Variants in KRT84 observed in about 807,000 individuals in gnomAD.
The protein encoded by KRT84 is keratin, type II cuticular Hb4.
Under a neutral mutation model 49.0 loss-of-function variants are expected in KRT84, and 38 were observed. The ratio of observed to expected loss-of-function variants is 0.78; its 90% CI spans 0.60 to 1.02. The LOEUF (loss-of-function observed/expected upper bound fraction) is 1.02, where lower values mean the gene tolerates loss of function less well. Among genes scored for constraint, KRT84 ranks in the 50% least tolerant of loss-of-function variants. KRT84 has a pLI of 0.00. For synonymous variants in KRT84, 334 were observed against 312.8 expected (o/e 1.07, Z -0.72); for missense variants, 860 against 788.6 (o/e 1.09, Z -1.08).
At chr12:52,382,151 T>G (rs1613631) in intron 4 of KRT84, among the ~76,000 whole-genome samples, 49,291 of 152,066 alleles carry the variant, frequency 0.32, 10,141 homozygotes, top group African/African-American at 0.58. Context: ...TCAGTCTTCT[T>G]GTCAGTACAC....
At chr12:52,382,264 C>T (rs1039401977) in intron 4 of KRT84, among the ~76,000 whole-genome samples, 173 bp downstream of exon 4, 1 of 152,216 alleles carries the variant, frequency 6.6e-6, no homozygotes, top group African/African-American at 2.4e-5. Context: ...AAAGCCTGCT[C>T]ACCTTCCCTT....
rs775726115 is a variant in KRT84, at chr12:52,381,471, C to T, written c.967G>A (p.Asp323Asn). 1.9e-6 allele frequency: 3 copies of T among 1,614,038 alleles called. No individual in the cohort carries two copies. The African/African-American group carries it at 4.0e-5, about 22-fold the overall frequency. Reference sequence around the variant, plus strand: ...TCAAGGTTCAGGTCACGGCTGTTGTCCATCTTCACAATGACCGACGTCTCT... The same window carrying T: ...TCAAGGTTCAGGTCACGGCTGTTGTTCATCTTCACAATGACCGACGTCTCT... ...ISETSVIVKMDNSRDLNLDGI... is the reference protein window; with the variant it reads ...ISETSVIVKMNNSRDLNLDGI... Residue 323 changes from aspartate to asparagine, a missense_variant, in exon 5 of 9, where the codon GAC becomes AAC. Physicochemically the swap from Asp to Asn is conservative, Grantham distance 23 (BLOSUM62 1). Transcript: ENST00000257951.
Position 52,381,503 on chromosome 12 carries a change from T to C in KRT84, c.935A>G (p.His312Arg), listed in dbSNP as rs767063415. 4 of 1,614,076 alleles carry C rather than the reference T, an allele frequency of 2.5e-6. No homozygotes were observed. In the Admixed American group the frequency reaches 5.0e-5, roughly 20 times the overall value. ...CACAATGACCGACGTCTCTGAGATG[T>C]GCGACTGCAGCAACTGGATTTCCTG... ...YMEEIQLLQSHISETSVIVKM... is the reference protein window; with the variant it reads ...YMEEIQLLQSRISETSVIVKM... Residue 312 changes from histidine to arginine, a missense_variant, in exon 5 of 9, where the codon CAC becomes CGC. Transcript: ENST00000257951.
Position 52,381,014 on chromosome 12 carries a change from G to C in KRT84, c.1203+66C>G, listed in dbSNP as rs1565775103. ...GTCTCCCTCACCTCATTAGACTTGG[G>C]GGTTCCCAAAGCCTGAGGCCCTGGT... On this transcript the variant is annotated intron_variant, in intron 6 of 8. Transcript: ENST00000257951. 3 of 1,583,974 alleles carry C rather than the reference G, an allele frequency of 1.9e-6. No individual in the cohort carries two copies. The East Asian group carries it at 6.7e-5, about 36-fold the overall frequency.
In KRT84 at chr12:52,385,059, A is replaced by T; in HGVS notation, c.527T>A (p.Phe176Tyr). ...AGGTACCTTGTCAATGAAGGAGGCA[A>T]ACTTGTTGTTGAGGGTCTTGATTTG... ...KEQIKTLNNKFASFIDKVRFL... is the reference protein window; with the variant it reads ...KEQIKTLNNKYASFIDKVRFL... Residue 176 changes from phenylalanine to tyrosine, a missense_variant, in exon 1 of 9, where the codon TTT becomes TAT. Physicochemically the swap from Phe to Tyr is conservative, Grantham distance 22 (BLOSUM62 3). Transcript: ENST00000257951. 1 of 1,607,278 alleles carries T rather than the reference A, an allele frequency of 6.2e-7. No homozygotes were observed. Among genetic ancestry groups the T allele is most frequent in the East Asian group, 2.2e-5 (1 of 44,862 alleles).
At chr12:52,385,746 A>T (rs982927575), upstream of KRT84, 33 of 695,664 alleles carry the variant, frequency 4.7e-5, no homozygotes, top group Admixed American at 4.1e-4. Flanking sequence ...GGCATTTATG[A>T]GCTTGGGTAG....
rs1485662295 is a variant in KRT84, at chr12:52,383,598, G to C, written c.747C>G (p.Phe249Leu). Residue 249 changes from phenylalanine (F) to leucine (L), a missense_variant, in exon 2 of 9, where the codon TTC becomes TTG. By Grantham distance (22) the Phe-to-Leu change is conservative. Coordinates refer to ENST00000257951, the MANE Select transcript of KRT84 (RefSeq NM_033045.4). ...RNHLQDVLEG[F>L]KKKYEEEVVC... ...GCTCAGATGTCACTCACTTCTTCTT[G>C]AAGCCCTCTAGGACATCCTGCAGGT... is the stretch of plus-strand genomic sequence containing the variant. The C allele has an allele frequency of 1.2e-6, 2 of 1,612,678 alleles. No homozygotes were observed. Among genetic ancestry groups the C allele is most frequent in the Non-Finnish European group, 1.7e-6 (2 of 1,179,882 alleles).
rs760146710 is a variant in KRT84, at chr12:52,378,163, GA to G, written c.1673del (p.Ile558ThrfsTer87). On this transcript the variant is annotated frameshift_variant, in exon 9 of 9. Coordinates refer to ENST00000257951, the MANE Select transcript of KRT84 (RefSeq NM_033045.4). LOFTEE classifies it high-confidence loss of function. ...STGTRSGSML[I>X]SEACVPSVPC... ...GGACGCTGGGGACACAGGCCTCGCT[GA>G]TGAGCATGGAGCCACTCCTTGTGCC... 13 of 1,576,154 alleles carry G rather than the reference GA, an allele frequency of 8.2e-6. No individual in the cohort carries two copies. The highest frequency in any genetic ancestry group is 1.9e-4 in the Middle Eastern group (1 of 5,260).
At chr12:52,380,287 C>T (rs1373867923) in intron 7 of KRT84, 76 bp downstream of exon 7, 3 of 1,538,568 alleles carry the variant, frequency 1.9e-6, no homozygotes, top group African/African-American at 1.4e-5. Flanking sequence ...CAGTTCTTCA[C>T]TGTCCCCTTC....
In KRT84 at chr12:52,380,447, T is replaced by TCG; in HGVS notation, c.1338_1339dup (p.Glu447AlafsTer6). The TCG allele has an allele frequency of 6.2e-7, 1 of 1,614,200 alleles. No homozygotes were observed. Among genetic ancestry groups the TCG allele is most frequent in the Non-Finnish European group, 8.5e-7 (1 of 1,180,012 alleles). On this transcript the variant is annotated frameshift_variant, in exon 7 of 9. Transcript: ENST00000257951. LOFTEE classifies it high-confidence loss of function. ...CTTGGCATTCATCAGCTCCTGGTACTCGCACAGCTGCCGCGCCATGTCCTG... is the reference window on the plus strand; with the variant it reads ...CTTGGCATTCATCAGCTCCTGGTACTCGCGCACAGCTGCCGCGCCATGTCCTG...
At chr12:52,384,908 G>A (rs1212500872) in intron 1 of KRT84, 132 bp downstream of exon 1, 13 of 944,702 alleles carry the variant, frequency 1.4e-5, no homozygotes. Flanking sequence ...CAATGCCTGA[G>A]GTAGGCACTT....
rs1565776454 is a variant in KRT84, at chr12:52,383,677, C to T, written c.668G>A (p.Arg223Lys). ...ATCACTGACCAGCACCTCCAACTGC[C>T]TCCGCAGGTTGGTGATGTAGCTCTC... is the stretch of plus-strand genomic sequence containing the variant. ...LFESYITNLR[R>K]QLEVLVSDQA... is the part of the protein sequence containing the mutation. The change falls in exon 2 of 9, where the codon AGG becomes AAG. Residue 223 changes from arginine (R) to lysine (K), a missense_variant. Coordinates refer to ENST00000257951, the MANE Select transcript of KRT84 (RefSeq NM_033045.4). The T allele has an allele frequency of 1.9e-6, 3 of 1,614,204 alleles. No homozygotes were observed. The highest frequency in any genetic ancestry group is 2.2e-5 in the East Asian group (1 of 44,890).
In KRT84 at chr12:52,385,055, G is replaced by A; in HGVS notation, c.531C>T (p.Ala177=). Residue 177 remains alanine (A), a synonymous_variant, in exon 1 of 9, where the codon GCC becomes GCT. Coordinates refer to ENST00000257951, the MANE Select transcript of KRT84 (RefSeq NM_033045.4). ...EQIKTLNNKF[A]SFIDKVRFLE... Reference sequence around the variant, plus strand: ...TCATAGGTACCTTGTCAATGAAGGAGGCAAACTTGTTGTTGAGGGTCTTGA... The same window carrying A: ...TCATAGGTACCTTGTCAATGAAGGAAGCAAACTTGTTGTTGAGGGTCTTGA... The A allele has an allele frequency of 1.2e-6, 2 of 1,607,198 alleles. No individual in the cohort carries two copies. The highest frequency in any genetic ancestry group is 1.7e-6 in the Non-Finnish European group (2 of 1,176,766).
rs753472733 is a variant in KRT84 at position 52,383,724 on chromosome 12, C to T, written c.621G>A (p.Arg207=). The change falls in exon 2 of 9, where the codon AGG becomes AGA. Residue 207 remains arginine (R), a synonymous_variant. Transcript: ENST00000257951. ...TCTCGAAGAGTGGCTCCAGATTGCT[C>T]CTGATACATTTCTGCTCTTGGAGGA... is the stretch of plus-strand genomic sequence containing the variant. ...WSFLQEQKCI[R]SNLEPLFESY... is the part of the protein sequence containing the mutation. 7 of 1,614,014 alleles carry T rather than the reference C, an allele frequency of 4.3e-6. No individual in the cohort carries two copies. Among genetic ancestry groups the T allele is most frequent in the Non-Finnish European group, 5.1e-6 (6 of 1,179,998 alleles).
chr12:52,380,513 C>A lies in KRT84; in HGVS notation c.1274G>T (p.Cys425Phe), dbSNP rs1166746408. 2 of 1,614,072 alleles carry A rather than the reference C, an allele frequency of 1.2e-6. No homozygotes were observed. The highest frequency in any genetic ancestry group is 2.2e-5 in the South Asian group (2 of 91,074). Residue 425 changes from cysteine to phenylalanine, a missense_variant, in exon 7 of 9, where the codon TGC becomes TTC. Cys to Phe is a radical substitution (Grantham distance 205). Transcript: ENST00000257951. ...QGEATLSDAK[C>F]KLADLECALQ... is the part of the protein sequence containing the mutation. ...GGCACACTCCAGATCTGCCAGCTTG[C>A]ATTTGGCATCACTGAGGGTCGCCTC...
At chr12:52,380,932 C>T (rs1939470829) in intron 6 of KRT84, 148 bp downstream of exon 6, 3 of 1,089,318 alleles carry the variant, frequency 2.8e-6, no homozygotes, top group Non-Finnish European at 4.0e-6. Flanking sequence ...ATATTTTTAT[C>T]CTCCAGAAAG....
rs775878183 is a variant in KRT84, at chr12:52,378,361, G to T, written c.1476C>A (p.Gly492=). Residue 492 remains glycine (G), a synonymous_variant, in exon 9 of 9, where the codon GGC becomes GGA. Coordinates refer to ENST00000257951, the MANE Select transcript of KRT84 (RefSeq NM_033045.4). The part of the protein sequence containing the change: ...PVNISVSSSR[G]GLVCGPEPLV... ...AAGGCTCAGGCCCGCACACCAGGCC[G>T]CCCCGGGAGCTGCTGACGGCTGCGG... 10 of 1,469,774 alleles carry T rather than the reference G, an allele frequency of 6.8e-6. No homozygotes were observed. Among genetic ancestry groups the T allele is most frequent in the African/African-American group, 1.4e-5 (1 of 69,710 alleles). The allele number at this position is 1,469,774 out of a possible 1,614,324, so 91.0% of individuals were successfully genotyped here.
At position 52,382,411 on chromosome 12, in the gene KRT84, GTGCCCT is replaced by G; in HGVS notation, c.912+20_912+25del. On this transcript the variant is annotated intron_variant, in intron 4 of 8. Transcript: ENST00000257951. Reference sequence around the variant, plus strand: ...CCAGGCCAAGCATTGATCTCCTTGGGTGCCCTAGAGAAGATGAACCCTCACCTCCAT... The same window carrying G: ...CCAGGCCAAGCATTGATCTCCTTGGGAGAGAAGATGAACCCTCACCTCCAT... 1 of 1,497,726 alleles carries G rather than the reference GTGCCCT, an allele frequency of 6.7e-7. No homozygotes were observed. The highest frequency in any genetic ancestry group is 9.3e-7 in the Non-Finnish European group (1 of 1,074,056). The allele number at this position is 1,497,726 out of a possible 1,614,324, so 92.8% of individuals were successfully genotyped here. A position where few individuals can be genotyped will look rare whatever the true frequency, so the allele number is the denominator to read the frequency against.
At position 52,380,034 on chromosome 12, in the gene KRT84, A is replaced by G. The variant is rs146030938; in HGVS notation, c.1425-127T>C. ...GTAGTTCTCACCCCTGGTTATACAC[A>G]CATCTGGGGAGCGTTGAAAAACACG... On this transcript the variant is annotated intron_variant, in intron 7 of 8. Transcript: ENST00000257951. 32 of 790,286 alleles carry G rather than the reference A, an allele frequency of 4.0e-5. No homozygotes were observed. The African/African-American group carries it at 5.0e-4, about 12-fold the overall frequency. 49.0% of individuals were successfully genotyped at this position (790,286 alleles called of 1,614,324 possible). A position where few individuals can be genotyped will look rare whatever the true frequency, so the allele number is the denominator to read the frequency against.
Sources: gnomAD v4.1 joint callset for allele counts (sites outside exome capture counted in the v4.1 genomes callset) on GRCh38, gnomAD v4.1.1 for gene constraint, MANE v1.5 for transcripts, NCBI Gene and HGNC (gene_info 2026-07-23, HGNC 2026-07-21) for gene names.